DNAH11: variants seen among roughly 807,000 people sequenced by gnomAD.
The protein encoded by DNAH11 is axonemal beta dynein heavy chain 11.
Under a neutral mutation model 526.0 loss-of-function variants are expected in DNAH11, and 442 were observed. The observed-to-expected ratio is 0.84, with a 90% CI of 0.78 to 0.91. DNAH11 has a LOEUF of 0.91. Among genes scored for constraint, DNAH11 ranks in the 40% least tolerant of loss-of-function variants. The pLI is 0.00. For missense variants in DNAH11, 6,989 were observed against 5,448.7 expected (o/e 1.28, Z -8.90); for synonymous variants, 2,461 against 1,935.9 (o/e 1.27, Z -7.12).
At chr7:21,884,904 C>T (rs1784067868) in intron 76 of DNAH11, among the ~76,000 whole-genome samples, 2 of 151,968 alleles carry the variant, frequency 1.3e-5, no homozygotes, top group Non-Finnish European at 2.9e-5. Context: ...ACAGTTGGAC[C>T]AGTATCAGTT....
At chr7:21,649,811 G>A (rs1787545358) in intron 28 of DNAH11, among the ~76,000 whole-genome samples, 1 of 152,030 alleles carries the variant, frequency 6.6e-6, no homozygotes, top group Admixed American at 6.6e-5. Context: ...GATTATAGGT[G>A]TGCACCACCG....
chr7:21,834,613 G>A (rs865923562), intron 65 of DNAH11, among the ~76,000 whole-genome samples: 34 of 152,186 alleles, frequency 2.2e-4, no homozygotes, highest in African/African-American at 6.5e-4. Flanking sequence ...CAGGAGCGTC[G>A]CTTGAGGACA....
chr7:21,623,829 G>T (rs2128455759), intron 25 of DNAH11, among the ~76,000 whole-genome samples: 1 of 149,228 alleles, frequency 6.7e-6, no homozygotes, highest in East Asian at 2.0e-4. Flanking sequence ...GTGGGGGGAG[G>T]AGGGAGGGAT....
rs188720204 is a variant in DNAH11 at position 21,572,168 on chromosome 7, C to T, written c.1593+195C>T. 2.0e-5 allele frequency among the ~76,000 whole-genome samples: 3 copies of T among 152,284 alleles called. No individual in the cohort carries two copies. In the East Asian group the frequency reaches 5.8e-4, roughly 29 times the overall value. On this transcript the variant is annotated intron_variant, in intron 8 of 81. Coordinates refer to ENST00000409508, the MANE Select transcript of DNAH11 (RefSeq NM_001277115.2). ...ATCAGAACTTAAGCTTTTGCATTTT[C>T]AGTTCAGAATGACGGCTGATAAAAC...
At chr7:21,880,561 C>G in intron 74 of DNAH11, 141 bp from the exon 75 acceptor site, 1 of 793,046 alleles carries the variant, frequency 1.3e-6, no homozygotes, top group Non-Finnish European at 2.0e-6. Context: ...TTAAGCTTCT[C>G]ATTGGATAAG....
intron 63 of DNAH11, among the ~76,000 whole-genome samples, chr7:21,811,172 G>A (rs1030041969): frequency 2.0e-5 from 3 of 152,042 alleles, no homozygotes; most frequent in Admixed American, 6.6e-5. Flanking sequence ...ACTGAAATTA[G>A]CCAGTCACAG....
chr7:21,765,306 G>T, intron 54 of DNAH11, 122 bp from the exon 55 acceptor site: 1 of 1,414,288 alleles, frequency 7.1e-7, no homozygotes, highest in South Asian at 1.2e-5. Context: ...ACTCTCTAGG[G>T]CTTTAGGGTA....
chr7:21,583,109 A>G (rs1272108530), intron 9 of DNAH11, among the ~76,000 whole-genome samples: 1 of 152,246 alleles, frequency 6.6e-6, no homozygotes, highest in African/African-American at 2.4e-5. Context: ...ATGGAACTGA[A>G]AAAGAGCATG....
intron 35 of DNAH11, among the ~76,000 whole-genome samples, chr7:21,694,575 A>G (rs777767795): frequency 6.6e-6 from 1 of 152,176 alleles, no homozygotes; most frequent in African/African-American, 2.4e-5. Flanking sequence ...TGTATGTGCC[A>G]CATTTTCTTT....
intron 35 of DNAH11, among the ~76,000 whole-genome samples, chr7:21,696,748 T>C (rs963975881): frequency 1.3e-5 from 2 of 152,202 alleles, no homozygotes; most frequent in African/African-American, 4.8e-5. Flanking sequence ...GCCTACAGCA[T>C]GTGCTTGAAC....
In DNAH11 at chr7:21,571,972, T is replaced by C; in HGVS notation, c.1592T>C (p.Met531Thr). Residue 531 changes from methionine to threonine, a missense_variant and splice_region_variant, in exon 8 of 82, where the codon ATG (methionine) becomes ACG (threonine). Met to Thr is a moderately conservative substitution (Grantham distance 81). Coordinates refer to ENST00000409508, the MANE Select transcript of DNAH11 (RefSeq NM_001277115.2). ...TATGACCCATCTGATTGCACTAACA[T>C]GGTAATGTTGTACCTTTGCATTTTC... ...STYDPSDCTN[M>T]EFESDYVAFK... 6.5e-7 allele frequency: 1 copy of C among 1,546,992 alleles called. No individual in the cohort carries two copies. The highest frequency in any genetic ancestry group is 2.1e-5 in the Admixed American group (1 of 48,720).
intron 57 of DNAH11, among the ~76,000 whole-genome samples, chr7:21,784,125 C>G (rs1788072559): frequency 6.6e-6 from 1 of 152,190 alleles, no homozygotes; most frequent in African/African-American, 2.4e-5. Flanking sequence ...AGAGGAATCA[C>G]TTAATCTTGC....
chr7:21,737,404 G>A (rs371352117), intron 46 of DNAH11, among the ~76,000 whole-genome samples: 2 of 152,314 alleles, frequency 1.3e-5, no homozygotes, highest in Admixed American at 6.5e-5. Flanking sequence ...GGCAACCACC[G>A]ATGGTTGATC....
chr7:21,634,515 G>T (rs1372098821), intron 25 of DNAH11, among the ~76,000 whole-genome samples: 1 of 152,196 alleles, frequency 6.6e-6, no homozygotes, highest in Admixed American at 6.5e-5. Context: ...AGAGGTCATT[G>T]TACTCAGTGA....
rs1784853337 is a variant in DNAH11 at position 21,901,544 on chromosome 7, G to A, written c.*290G>A. On this transcript the variant is annotated 3_prime_UTR_variant, in exon 82 of 82. Coordinates refer to ENST00000409508, the MANE Select transcript of DNAH11 (RefSeq NM_001277115.2). ...AGGTTGCACCACTGCACTCCCTCCT[G>A]GGCAACAGAACAAGACTCCATCTCA... is the stretch of plus-strand genomic sequence containing the variant. 1 of 237,648 alleles carries A rather than the reference G, an allele frequency of 4.2e-6. No homozygotes were observed. Among genetic ancestry groups the A allele is most frequent in the Non-Finnish European group, 8.0e-6 (1 of 125,020 alleles). The allele number at this position is 237,648 out of a possible 1,614,324, so 14.7% of individuals were successfully genotyped here.
rs1295846959 is a variant in DNAH11, at chr7:21,591,572, G to A, written c.2662G>A (p.Val888Ile). The A allele has an allele frequency of 5.1e-6, 8 of 1,558,410 alleles. No individual in the cohort carries two copies. The highest frequency in any genetic ancestry group is 1.2e-5 in the South Asian group (1 of 81,792). Residue 888 changes from valine to isoleucine, a missense_variant, in exon 14 of 82, where the codon GTC becomes ATC. Val to Ile is a conservative substitution (Grantham distance 29). Coordinates refer to ENST00000409508, the MANE Select transcript of DNAH11 (RefSeq NM_001277115.2). ...AGATGGCTGCAAGATCCACAACTTG[G>A]TCGAGGTAATGGCTTTTAACCTTTC... ...QGDGCKIHNL[V>I]EENRKLFKAN...
intron 54 of DNAH11, among the ~76,000 whole-genome samples, chr7:21,751,769 T>C (rs1416087054): frequency 6.6e-6 from 1 of 152,196 alleles, no homozygotes; most frequent in Non-Finnish European, 1.5e-5. Flanking sequence ...AATTCTAGGT[T>C]AGAAGGTTAG....
At chr7:21,606,293 A>G (rs1785277343) in intron 18 of DNAH11, 133 bp from the exon 19 acceptor site, 1 of 733,868 alleles carries the variant, frequency 1.4e-6, no homozygotes, top group East Asian at 2.7e-5. Flanking sequence ...AGTGCACTCC[A>G]GCCTAGGGGA....
In DNAH11 at chr7:21,816,034, T is replaced by A. The variant is rs368921791; in HGVS notation, c.10333-433T>A. The stretch of plus-strand genomic sequence containing the variant: ...ATCCCAGAGAGATAGGTCATCTCTT[T>A]GTAGCACTGGTCTGTAGAAAAAAAA... On this transcript the variant is annotated intron_variant, in intron 63 of 81. Coordinates refer to ENST00000409508, the MANE Select transcript of DNAH11 (RefSeq NM_001277115.2). 1.4e-4 allele frequency among the ~76,000 whole-genome samples: 21 copies of A among 152,222 alleles called. 1 individual carries two copies. The highest frequency in any genetic ancestry group is 4.8e-4 in the African/African-American group (20 of 41,530).
Sources: allele counts gnomAD v4.1 joint callset (sites outside exome capture counted in the v4.1 genomes callset), GRCh38; gene constraint gnomAD v4.1.1; transcripts MANE v1.5; gene names NCBI Gene and HGNC (gene_info 2026-07-23, HGNC 2026-07-21).